The following SRBD1 variants were observed in gnomAD, a reference collection of about 807,000 sequenced individuals.
SRBD1 encodes S1 RNA binding domain 1, also known as S1 RNA-binding domain-containing protein 1.
A neutral mutation model predicts 115.3 loss-of-function variants in SRBD1; 88 were observed. The ratio of observed to expected loss-of-function variants is 0.76; its 90% CI spans 0.64 to 0.91. The LOEUF is 0.91. SRBD1 is among the 40% of genes least tolerant of loss of function. SRBD1 has a pLI of 0.00. For missense variants in SRBD1, 1,385 were observed against 1,177.4 expected (o/e 1.18, Z -2.58); for synonymous variants, 509 against 407.7 (o/e 1.25, Z -2.99).
At chr2:45,581,347 C>G (rs988448990) in intron 6 of SRBD1, among the ~76,000 whole-genome samples, 2 of 152,286 alleles carry the variant, frequency 1.3e-5, no homozygotes, top group Non-Finnish European at 2.9e-5. Context: ...TTCTTCCATT[C>G]TCATGGTTTC....
intron 1 of SRBD1, among the ~76,000 whole-genome samples, chr2:45,610,135 G>A (rs535418716): frequency 6.6e-6 from 1 of 152,224 alleles, no homozygotes; most frequent in South Asian, 2.1e-4. Context: ...CTTAATCACT[G>A]TAGGCACATG....
rs138960578 is a variant in SRBD1, at chr2:45,491,207, G to C, written c.1875-2876C>G. 4.7e-4 allele frequency among the ~76,000 whole-genome samples: 71 copies of C among 152,156 alleles called. 2 individuals carry two copies. The highest frequency in any genetic ancestry group is 2.7e-3 in the Admixed American group (41 of 15,280). On this transcript the variant is annotated intron_variant, in intron 14 of 20. Transcript: ENST00000263736. ...AAATTTACGAAAACACTTTCTGTTT[G>C]ATGGGAAATTTTCCAATAAACTATT...
At chr2:45,554,728 AACCAAGCTGGC>A (rs1672418073) in intron 10 of SRBD1, among the ~76,000 whole-genome samples, 1 of 152,196 alleles carries the variant, frequency 6.6e-6, no homozygotes, top group Admixed American at 6.5e-5. Context: ...AATGAAAATA[AACCAAGCTGGC>A]AGCACATTCA....
At chr2:45,411,954 T>C (rs1461479150) in intron 19 of SRBD1, among the ~76,000 whole-genome samples, 1 of 151,880 alleles carries the variant, frequency 6.6e-6, no homozygotes, top group African/African-American at 2.4e-5. Context: ...CTACTAAAAA[T>C]ACAAAAAATT....
intron 16 of SRBD1, among the ~76,000 whole-genome samples, chr2:45,467,053 C>T (rs1037442526): frequency 5.3e-5 from 8 of 152,164 alleles, no homozygotes; most frequent in African/African-American, 1.9e-4. Context: ...TTCTCAAACC[C>T]AGGCCAATAA....
At chr2:45,492,648 C>T (rs1425076802) in intron 14 of SRBD1, among the ~76,000 whole-genome samples, 1 of 152,168 alleles carries the variant, frequency 6.6e-6, no homozygotes, top group Non-Finnish European at 1.5e-5. Flanking sequence ...ACCATGTTAG[C>T]CACGATGGTC....
intron 16 of SRBD1, among the ~76,000 whole-genome samples, chr2:45,438,958 T>C (rs1027789402): frequency 1.3e-5 from 2 of 151,912 alleles, no homozygotes; most frequent in Non-Finnish European, 2.9e-5. Flanking sequence ...AAAACAAAGA[T>C]AAAGGGAAAA....
chr2:45,566,224 A>G (rs6754492), intron 9 of SRBD1, among the ~76,000 whole-genome samples: 24,404 of 152,210 alleles, frequency 0.16, 2,957 homozygotes, highest in African/African-American at 0.34. Flanking sequence ...ATCCAAGAGA[A>G]ATAAAAACAT....
intron 14 of SRBD1, among the ~76,000 whole-genome samples, chr2:45,526,750 A>T (rs952970288): frequency 1.3e-5 from 2 of 151,986 alleles, no homozygotes; most frequent in Non-Finnish European, 2.9e-5. Context: ...ACTGAAAATG[A>T]ATCACAGTTA....
Position 45,477,094 on chromosome 2 carries a change from A to ACTT in SRBD1, c.1967-20_1967-19insAAG. ...ATGGAAACTGAAAAAACAGAATCAG[A>ACTT]AAACAAGTATGACTTAATGTGAAAA... On this transcript the variant is annotated intron_variant, in intron 15 of 20. Transcript: ENST00000263736. 6.2e-7 allele frequency: 1 copy of ACTT among 1,604,052 alleles called. No homozygotes were observed. The highest frequency in any genetic ancestry group is 8.5e-7 in the Non-Finnish European group (1 of 1,172,030).
At chr2:45,406,357 A>G (rs1667437043) in intron 19 of SRBD1, among the ~76,000 whole-genome samples, 1 of 152,218 alleles carries the variant, frequency 6.6e-6, no homozygotes, top group Non-Finnish European at 1.5e-5. Flanking sequence ...GAATGTCAGA[A>G]GACACTGAAA....
chr2:45,472,095 A>G (rs2103805313), intron 16 of SRBD1, among the ~76,000 whole-genome samples: 1 of 152,272 alleles, frequency 6.6e-6, no homozygotes, highest in East Asian at 1.9e-4. Flanking sequence ...CAACTGATGA[A>G]TGAACAAAAT....
chr2:45,401,489 C>T (rs1019307521), intron 19 of SRBD1, among the ~76,000 whole-genome samples: 6 of 152,210 alleles, frequency 3.9e-5, no homozygotes, highest in African/African-American at 1.4e-4. Context: ...TTCTGCCCTG[C>T]TGCCAATTCT....
At chr2:45,418,330 T>G (rs562326786) in intron 18 of SRBD1, 35 bp downstream of exon 18, 1 of 1,597,036 alleles carries the variant, frequency 6.3e-7, no homozygotes, top group African/African-American at 1.4e-5. Context: ...AGAGAGGAGG[T>G]TGACAATAGA....
intron 18 of SRBD1, among the ~76,000 whole-genome samples, chr2:45,418,098 C>T (rs1395628129): frequency 6.6e-6 from 1 of 152,174 alleles, no homozygotes; most frequent in East Asian, 1.9e-4. Flanking sequence ...TTTTATAGCA[C>T]TTCTTGCCAT....
chr2:45,588,512 A>G (rs1432603362), intron 4 of SRBD1, among the ~76,000 whole-genome samples: 1 of 152,148 alleles, frequency 6.6e-6, no homozygotes, highest in Non-Finnish European at 1.5e-5. Context: ...ACATCATGTC[A>G]TCTACCACAG....
chr2:45,518,242 A>T (rs533207364), intron 14 of SRBD1, among the ~76,000 whole-genome samples: 140 of 152,316 alleles, frequency 9.2e-4, no homozygotes, highest in African/African-American at 3.2e-3. Context: ...CCAAGAGCAT[A>T]AAACTAGCAA....
intron 14 of SRBD1, among the ~76,000 whole-genome samples, chr2:45,492,459 GAC>G (rs994851399): frequency 1.3e-5 from 2 of 152,074 alleles, no homozygotes; most frequent in African/African-American, 4.8e-5. Flanking sequence ...TTGTTTTTGA[GAC>G]AGAGTCTCGT....
intron 14 of SRBD1, among the ~76,000 whole-genome samples, chr2:45,528,731 G>C (rs1671525485): frequency 6.6e-6 from 1 of 151,848 alleles, no homozygotes; most frequent in Admixed American, 6.6e-5. Context: ...AGACAAAGCG[G>C]GTGAGGAAAA....
Sources: gnomAD v4.1 joint callset for allele counts (sites outside exome capture counted in the v4.1 genomes callset) on GRCh38, gnomAD v4.1.1 for gene constraint, MANE v1.5 for transcripts, NCBI Gene and HGNC (gene_info 2026-07-23, HGNC 2026-07-21) for gene names.